KRT2: variants seen among roughly 807,000 people sequenced by gnomAD.
KRT2 encodes keratin, type II cytoskeletal 2 epidermal.
Under a neutral mutation model 48.5 loss-of-function variants are expected in KRT2, and 37 were observed. The observed-to-expected ratio is 0.76, with a 90% confidence interval of 0.59 to 1.00. The LOEUF is 1.00. KRT2 is among the 50% of genes least tolerant of loss of function. The pLI is 0.00. For missense variants in KRT2, 880 were observed against 815.2 expected (o/e 1.08, Z -0.97); for synonymous variants, 324 against 312.2 (o/e 1.04, Z -0.40).
chr12:52,649,128 T>A, intron 3 of KRT2, 26 bp from the exon 4 acceptor site: 1 of 1,420,186 alleles, frequency 7.0e-7, no homozygotes, highest in South Asian at 1.1e-5. Flanking sequence ...AGGCCTCTGG[T>A]GTATGGTTCC....
rs753957075 is a variant in KRT2 at position 52,646,937 on chromosome 12, G to A, written c.1272C>T (p.Ile424=). The A allele has an allele frequency of 2.1e-4, 342 of 1,614,052 alleles. 1 individual carries two copies. Among genetic ancestry groups the A allele is most frequent in the South Asian group, 8.1e-4 (74 of 91,082 alleles). Residue 424 remains isoleucine (I), a synonymous_variant, in exon 7 of 9, where the codon ATC becomes ATT. Coordinates refer to ENST00000309680, the MANE Select transcript of KRT2 (RefSeq NM_000423.3). ...KKQCKNVQDA[I]ADAEQRGEHA... is the part of the protein sequence containing the mutation. ...GCTCCCCACGCTGCTCGGCATCTGC[G>A]ATGGCATCTTGCACATTCTTACACT...
At position 52,644,936 on chromosome 12, in the gene KRT2, A is replaced by T; in HGVS notation, c.*83T>A. 1 of 1,472,870 alleles carries T rather than the reference A, an allele frequency of 6.8e-7. No individual in the cohort carries two copies. Among genetic ancestry groups the T allele is most frequent in the East Asian group, 2.3e-5 (1 of 44,186 alleles). The allele number at this position is 1,472,870 out of a possible 1,614,324, so 91.2% of individuals were successfully genotyped here. A position where few individuals can be genotyped will look rare whatever the true frequency, so the allele number is the denominator to read the frequency against. Reference sequence around the variant, plus strand: ...AATGACAAAAATTTAACTTGCTGCCAGTTAGAGGTACAGAGACAGGCTTCT... The same window carrying T: ...AATGACAAAAATTTAACTTGCTGCCTGTTAGAGGTACAGAGACAGGCTTCT... On this transcript the variant is annotated 3_prime_UTR_variant, in exon 9 of 9. Coordinates refer to ENST00000309680, the MANE Select transcript of KRT2 (RefSeq NM_000423.3).
intron 2 of KRT2, 47 bp downstream of exon 2, chr12:52,650,292 C>T: frequency 6.6e-7 from 1 of 1,515,462 alleles, no homozygotes; most frequent in Non-Finnish European, 9.2e-7. Flanking sequence ...GATCAAATGG[C>T]TCAGTGCAAT....
At chr12:52,651,502 G>T in intron 1 of KRT2, 56 bp downstream of exon 1, 1 of 1,286,128 alleles carries the variant, frequency 7.8e-7, no homozygotes, top group Non-Finnish European at 1.1e-6. Flanking sequence ...CTTTTTGGTT[G>T]GCTCTGGAAG....
At chr12:52,651,264 A>G (rs530947805) in intron 1 of KRT2, among the ~76,000 whole-genome samples, 1 of 152,360 alleles carries the variant, frequency 6.6e-6, no homozygotes, top group South Asian at 2.1e-4. Flanking sequence ...CCCAAGGATC[A>G]GTTCAATACT....
At chr12:52,649,755 G>A (rs148745633) in intron 3 of KRT2, among the ~76,000 whole-genome samples, 159 bp downstream of exon 3, 388 of 152,338 alleles carry the variant, frequency 2.5e-3, no homozygotes, top group African/African-American at 8.5e-3. Context: ...TTGACCTACA[G>A]AGACAATTTT....
Position 52,652,027 on chromosome 12 carries a change from C to G in KRT2, c.116G>C (p.Ser39Thr), listed in dbSNP as rs376095204. The G allele has an allele frequency of 3.1e-6, 5 of 1,608,624 alleles. No individual in the cohort carries two copies. Among genetic ancestry groups the G allele is most frequent in the East Asian group, 2.2e-5 (1 of 44,892 alleles). ...ACCATGGCGGCTCAAGCAGGAGAAG[C>G]TGGAAGTTGATCTCCGGCTTCCACC... ...VSGGSRRSTS[S>T]FSCLSRHGGG... The change falls in exon 1 of 9, where the codon AGC becomes ACC. Residue 39 changes from serine to threonine, a missense_variant. Transcript: ENST00000309680.
Position 52,648,179 on chromosome 12 carries a change from G to C in KRT2, c.1116C>G (p.His372Gln). The C allele has an allele frequency of 6.2e-7, 1 of 1,614,184 alleles. No individual in the cohort carries two copies. Among genetic ancestry groups the C allele is most frequent in the Non-Finnish European group, 8.5e-7 (1 of 1,180,010 alleles). The change falls in exon 5 of 9, where the codon CAC becomes CAG. Residue 372 changes from histidine (H) to glutamine (Q), a missense_variant. Transcript: ENST00000309680. ...RSKEEAEALYHSKYEELQVTV... is the reference protein window; with the variant it reads ...RSKEEAEALYQSKYEELQVTV... The stretch of plus-strand genomic sequence containing the variant: ...CTACATTCCCTCTACTTGCCTTGCT[G>C]TGGTACAGGGCCTCCGCTTCTTCCT...
chr12:52,650,591 C>T (rs1203298502), intron 1 of KRT2, 38 bp from the exon 2 acceptor site: 2 of 1,558,770 alleles, frequency 1.3e-6, no homozygotes, highest in South Asian at 2.2e-5. Flanking sequence ...AGTTCTAGAT[C>T]ATCCTTCACA....
At chr12:52,647,666 A>G (rs1228750139) in intron 6 of KRT2, 64 bp downstream of exon 6, 5 of 1,594,838 alleles carry the variant, frequency 3.1e-6, no homozygotes, top group Non-Finnish European at 4.3e-6. Context: ...CTCACACACA[A>G]CCACACTCTC....
intron 5 of KRT2, 40 bp downstream of exon 5, chr12:52,648,133 G>A (rs1051971857): frequency 6.2e-7 from 1 of 1,606,514 alleles, no homozygotes. Flanking sequence ...CCCAGCTCAT[G>A]GCAGGGAGCT....
rs756109962 is a variant in KRT2, at chr12:52,649,133, G to T, written c.862-31C>A. ...AGAAAGGTTGAGGCCTCTGGTGTATGGTTCCCTGTACAGGCCTCTTCCTCT... is the reference window on the plus strand; with the variant it reads ...AGAAAGGTTGAGGCCTCTGGTGTATTGTTCCCTGTACAGGCCTCTTCCTCT... On this transcript the variant is annotated intron_variant, in intron 3 of 8. Coordinates refer to ENST00000309680, the MANE Select transcript of KRT2 (RefSeq NM_000423.3). The T allele has an allele frequency of 5.1e-6, 7 of 1,370,444 alleles. No individual in the cohort carries two copies. The East Asian group carries it at 1.1e-4, about 22-fold the overall frequency. 84.9% of individuals were successfully genotyped at this position (1,370,444 alleles called of 1,614,324 possible).
intron 2 of KRT2, 128 bp downstream of exon 2, chr12:52,650,211 A>C (rs1473910091): frequency 1.1e-6 from 1 of 884,428 alleles, no homozygotes; most frequent in Non-Finnish European, 1.9e-6. Flanking sequence ...CAAATAATCA[A>C]CAAAGATACA....
chr12:52,651,815 C>T lies in KRT2; in HGVS notation c.328G>A (p.Gly110Ser), dbSNP rs1160658410. 4 of 1,604,876 alleles carry T rather than the reference C, an allele frequency of 2.5e-6. No homozygotes were observed. In the Admixed American group the frequency reaches 5.1e-5, roughly 20 times the overall value. Residue 110 changes from glycine (G) to serine (S), a missense_variant, in exon 1 of 9, where the codon GGT becomes AGT. Coordinates refer to ENST00000309680, the MANE Select transcript of KRT2 (RefSeq NM_000423.3). ...AAGCCGCCTCCACCGAAACCACCAC[C>T]ACTGAAGCCGCTGCCACCTCCAAAG... ...SSFGGGSGFS[G>S]GGFGGGGFGG...
rs745675085 is a variant in KRT2 at position 52,644,717 on chromosome 12, A to G, written c.*302T>C. The G allele has an allele frequency of 1.1e-4, 52 of 456,614 alleles. No individual in the cohort carries two copies. Among genetic ancestry groups the G allele is most frequent in the South Asian group, 3.5e-4 (16 of 45,650 alleles). The allele number at this position is 456,614 out of a possible 1,614,324, so 28.3% of individuals were successfully genotyped here. A position where few individuals can be genotyped will look rare whatever the true frequency, so the allele number is the denominator to read the frequency against. On this transcript the variant is annotated 3_prime_UTR_variant, in exon 9 of 9. Transcript: ENST00000309680. ...TGGGCCTGGGTCCTCAACAGAATAC[A>G]CATCTGGAAAATGGGCAATGCAAAG...
In KRT2 at chr12:52,644,650, T is replaced by C. The variant is rs1456790052; in HGVS notation, c.*369A>G. The C allele has an allele frequency of 4.9e-5, 16 of 327,258 alleles. No individual in the cohort carries two copies. Among genetic ancestry groups the C allele is most frequent in the Non-Finnish European group, 9.2e-5 (16 of 174,440 alleles). The allele number at this position is 327,258 out of a possible 1,614,324, so 20.3% of individuals were successfully genotyped here. ...GAGGAGCTATATACACAGAAACACATTTCCCCCCAGCACTGCCAGGCTTAG... is the reference window on the plus strand; with the variant it reads ...GAGGAGCTATATACACAGAAACACACTTCCCCCCAGCACTGCCAGGCTTAG... On this transcript the variant is annotated 3_prime_UTR_variant, in exon 9 of 9. Transcript: ENST00000309680.
chr12:52,645,825 G>A (rs917415913), intron 7 of KRT2, among the ~76,000 whole-genome samples: 2 of 152,170 alleles, frequency 1.3e-5, no homozygotes, highest in African/African-American at 4.8e-5. Flanking sequence ...TTGATCCAAG[G>A]TCACTGAAAA....
chr12:52,646,677 C>T, intron 7 of KRT2, 63 bp downstream of exon 7: 1 of 1,584,306 alleles, frequency 6.3e-7, no homozygotes, highest in Non-Finnish European at 8.7e-7. Flanking sequence ...TGCCTCCAGC[C>T]CTGGCTCTGG....
rs1364566385 is a variant in KRT2 at position 52,644,916 on chromosome 12, C to CA, written c.*102dup. 3.8e-6 allele frequency: 5 copies of CA among 1,316,962 alleles called. No individual in the cohort carries two copies. The African/African-American group carries it at 7.4e-5, about 19-fold the overall frequency. 81.6% of individuals were successfully genotyped at this position (1,316,962 alleles called of 1,614,324 possible). The stretch of plus-strand genomic sequence containing the variant: ...TCAAAGTGCCATCAGAGATAAATGA[C>CA]AAAAATTTAACTTGCTGCCAGTTAG... On this transcript the variant is annotated 3_prime_UTR_variant, in exon 9 of 9. Transcript: ENST00000309680.
Sources: gnomAD v4.1 joint callset for allele counts (sites outside exome capture counted in the v4.1 genomes callset) on GRCh38, gnomAD v4.1.1 for gene constraint, MANE v1.5 for transcripts, NCBI Gene and HGNC (gene_info 2026-07-23, HGNC 2026-07-21) for gene names.